The following SRL variants were observed in gnomAD, a reference collection of about 807,000 sequenced individuals.
SRL encodes sarcalumenin.
A neutral mutation model predicts 39.5 loss-of-function variants in SRL; 23 were observed. The ratio of observed to expected loss-of-function variants is 0.58; its 90% CI spans 0.42 to 0.82. The LOEUF (loss-of-function observed/expected upper bound fraction) is 0.82. Ranked by LOEUF, SRL falls within the 40% of genes least tolerant of loss-of-function variation. The probability of loss-of-function intolerance (pLI) is 0.00; values close to 1 mark genes in which losing one functional copy is unlikely to be tolerated. For synonymous variants in SRL, 272 were observed against 237.4 expected, an observed-to-expected ratio of 1.15 and a Z score of -1.34; for missense variants, 592 against 607.8, an observed-to-expected ratio of 0.97 and a Z score of 0.27.
chr16:4,220,069 C>T (rs17136902), intron 1 of SRL, among the ~76,000 whole-genome samples: 13,483 of 152,042 alleles, frequency 0.089, 857 homozygotes, highest in Middle Eastern at 0.18. Flanking sequence ...GCCTCCAGAG[C>T]AAATCTGACC....
At chr16:4,197,438 T>TTTTTTTTTGTGTG (rs2052164426) in intron 4 of SRL, among the ~76,000 whole-genome samples, 1 of 137,514 alleles carries the variant, frequency 7.3e-6, no homozygotes, top group Non-Finnish European at 1.6e-5. Flanking sequence ...TTTTTTTTTT[T>TTTTTTTTTGTGTG]TGAGACGGAG....
chr16:4,208,735 G>C (rs2052356912), intron 1 of SRL, among the ~76,000 whole-genome samples: 1 of 152,006 alleles, frequency 6.6e-6, no homozygotes, highest in East Asian at 1.9e-4. Flanking sequence ...CCCTGTCCCA[G>C]TAAGGGCAGG....
At chr16:4,201,430 C>T (rs189880293) in intron 3 of SRL, among the ~76,000 whole-genome samples, 140 of 151,896 alleles carry the variant, frequency 9.2e-4, no homozygotes, top group African/African-American at 3.3e-3. Flanking sequence ...GCACCCACCA[C>T]CACACCCAGC....
At chr16:4,220,497 A>G (rs1030899852) in intron 1 of SRL, among the ~76,000 whole-genome samples, 1 of 151,520 alleles carries the variant, frequency 6.6e-6, no homozygotes, top group Non-Finnish European at 1.5e-5. Context: ...CAGCCTTGCT[A>G]GAGCCTCTGA....
At chr16:4,206,217 G>A (rs1168982718) in intron 1 of SRL, among the ~76,000 whole-genome samples, 1 of 152,168 alleles carries the variant, frequency 6.6e-6, no homozygotes, top group Non-Finnish European at 1.5e-5. Flanking sequence ...GGGCACTTGA[G>A]AGTCAACAGC....
chr16:4,238,201 C>T (rs1224136805), intron 1 of SRL, among the ~76,000 whole-genome samples: 3 of 152,182 alleles, frequency 2.0e-5, no homozygotes, highest in African/African-American at 7.2e-5. Flanking sequence ...GGGCATGTGC[C>T]CAGGAGAGAG....
At position 4,201,574 on chromosome 16, in the gene SRL, G is replaced by A. The variant is rs1337505803; in HGVS notation, c.259+1592C>T. ...CTATAGGTGTGAGCCACTGTGCCCG[G>A]CCATCGGATTGTTTTTAAAAGTGCT... On this transcript the variant is annotated intron_variant, in intron 3 of 5. Coordinates refer to ENST00000399609, the MANE Select transcript of SRL (RefSeq NM_001098814.2). Among the ~76,000 whole-genome samples, 2 of 136,496 alleles carry A rather than the reference G, an allele frequency of 1.5e-5. 1 individual carries two copies. Among genetic ancestry groups the A allele is most frequent in the African/African-American group, 6.2e-5 (2 of 32,458 alleles). 89.5% of individuals were successfully genotyped at this position (136,496 alleles called of 152,430 possible). A position where few individuals can be genotyped will look rare whatever the true frequency, so the allele number is the denominator to read the frequency against.
At chr16:4,239,956 C>T (rs1431541564) in intron 1 of SRL, among the ~76,000 whole-genome samples, 3 of 152,172 alleles carry the variant, frequency 2.0e-5, no homozygotes, top group East Asian at 3.9e-4. Flanking sequence ...CCCCACCTGG[C>T]TGCTCCTTCC....
intron 1 of SRL, among the ~76,000 whole-genome samples, chr16:4,216,650 A>G (rs1449621142): frequency 6.6e-6 from 1 of 152,196 alleles, no homozygotes; most frequent in Non-Finnish European, 1.5e-5. Context: ...GTCAATCACT[A>G]GCAGGGATAC....
intron 1 of SRL, among the ~76,000 whole-genome samples, chr16:4,236,097 T>G (rs753978193): frequency 7.2e-5 from 11 of 152,126 alleles, no homozygotes; most frequent in Non-Finnish European, 1.0e-4. Context: ...AAAGAAAACG[T>G]AAAGAAAAAT....
At chr16:4,214,147 A>G (rs2052426854) in intron 1 of SRL, among the ~76,000 whole-genome samples, 1 of 152,184 alleles carries the variant, frequency 6.6e-6, no homozygotes, top group Non-Finnish European at 1.5e-5. Flanking sequence ...AGTTGAAACT[A>G]GAGATGGAGA....
intron 1 of SRL, among the ~76,000 whole-genome samples, chr16:4,219,867 A>G (rs1210101112): frequency 6.6e-6 from 1 of 152,064 alleles, no homozygotes; most frequent in East Asian, 1.9e-4. Flanking sequence ...AATGGTTGTC[A>G]TCACCACCAA....
intron 1 of SRL, chr16:4,207,198 C>T (rs1180916026): frequency 6.6e-6 from 3 of 456,938 alleles, no homozygotes; most frequent in South Asian, 1.5e-5. Context: ...GGGAACTCCT[C>T]CTTCTTCCTC....
rs116130021 is a variant in SRL at position 4,198,126 on chromosome 16, C to G, written c.260-211G>C. Among the ~76,000 whole-genome samples, 718 of 152,328 alleles carry G rather than the reference C, an allele frequency of 4.7e-3. 10 individuals carry two copies. Among genetic ancestry groups the G allele is most frequent in the African/African-American group, 0.016 (682 of 41,574 alleles). On this transcript the variant is annotated intron_variant, in intron 3 of 5. Transcript: ENST00000399609. ...ACAGAAGTCACTTTTGGGCCTTGCC[C>G]AGATCCTTGGCACGTCTGCCCCCAC... is the stretch of plus-strand genomic sequence containing the variant.
chr16:4,216,869 T>G (rs2052467061), intron 1 of SRL, among the ~76,000 whole-genome samples: 1 of 152,176 alleles, frequency 6.6e-6, no homozygotes, highest in South Asian at 2.1e-4. Flanking sequence ...AGAAATCCAA[T>G]CTCCCTGGGA....
chr16:4,207,103 G>A (rs1230402487), intron 1 of SRL: 1 of 456,012 alleles, frequency 2.2e-6, no homozygotes, highest in East Asian at 7.0e-5. Context: ...CCAGCCTCCT[G>A]GGGCTCCGTG....
At chr16:4,228,722 A>C (rs556529550) in intron 1 of SRL, among the ~76,000 whole-genome samples, 1 of 151,858 alleles carries the variant, frequency 6.6e-6, no homozygotes, top group Non-Finnish European at 1.5e-5. Context: ...GTGACAGAGC[A>C]AGACTCCGTC....
At chr16:4,194,012 T>C (rs76349870) in intron 5 of SRL, among the ~76,000 whole-genome samples, 1,956 of 152,102 alleles carry the variant, frequency 0.013, 44 homozygotes, top group African/African-American at 0.044. Flanking sequence ...ATATCATTAC[T>C]ACAAGATCTA....
intron 1 of SRL, among the ~76,000 whole-genome samples, chr16:4,223,443 T>C (rs1224640553): frequency 6.6e-6 from 1 of 151,828 alleles, no homozygotes; most frequent in Non-Finnish European, 1.5e-5. Flanking sequence ...AGTGGTGCAA[T>C]CATGGCTCAC....
Sources: allele counts gnomAD v4.1 joint callset (sites outside exome capture counted in the v4.1 genomes callset), GRCh38; gene constraint gnomAD v4.1.1; transcripts MANE v1.5; gene names NCBI Gene and HGNC (gene_info 2026-07-23, HGNC 2026-07-21).